The following PTPRT variants were observed in gnomAD, a reference collection of about 807,000 sequenced individuals.
PTPRT encodes protein tyrosine phosphatase receptor type T.
PTPRT carries 56 observed loss-of-function variants against 176.8 expected under a neutral mutation model. That is an observed-to-expected ratio of 0.32 (90% CI 0.26 to 0.40). PTPRT has a LOEUF of 0.40. PTPRT is among the 10% of genes least tolerant of loss of function. PTPRT has a pLI of 1.00. For synonymous variants in PTPRT, 783 were observed against 739.0 expected (o/e 1.06, Z -0.96); for missense variants, 1,540 against 1,908.2 (o/e 0.81, Z 3.60).
chr20:42,888,090 T>C (rs969153968), intron 1 of PTPRT, among the ~76,000 whole-genome samples: 1 of 152,166 alleles, frequency 6.6e-6, no homozygotes. Context: ...TTCTATTTTT[T>C]AAATAACCCA....
intron 7 of PTPRT, among the ~76,000 whole-genome samples, chr20:42,639,043 C>T (rs1411958209): frequency 6.6e-6 from 1 of 151,968 alleles, no homozygotes; most frequent in African/African-American, 2.4e-5. Flanking sequence ...AAGAACCTTC[C>T]CATTTGTTTC....
chr20:42,479,157 A>G (rs559621111), intron 7 of PTPRT, among the ~76,000 whole-genome samples: 13 of 152,368 alleles, frequency 8.5e-5, no homozygotes, highest in African/African-American at 3.1e-4. Flanking sequence ...AAGGCAGAAC[A>G]TCTTATTAAA....
chr20:42,637,699 C>T (rs567721698), intron 7 of PTPRT, among the ~76,000 whole-genome samples: 11 of 152,170 alleles, frequency 7.2e-5, no homozygotes, highest in African/African-American at 2.7e-4. Flanking sequence ...AGAACAGGGA[C>T]TTGGTTTGAT....
At chr20:43,071,055 A>G (rs1190691060) in intron 1 of PTPRT, among the ~76,000 whole-genome samples, 1 of 151,704 alleles carries the variant, frequency 6.6e-6, no homozygotes, top group African/African-American at 2.4e-5. Flanking sequence ...ACTGACCAAC[A>G]CAAGGGTATG....
At chr20:42,434,142 C>T (rs2059240250) in intron 9 of PTPRT, among the ~76,000 whole-genome samples, 1 of 152,036 alleles carries the variant, frequency 6.6e-6, no homozygotes, top group Non-Finnish European at 1.5e-5. Context: ...GAAAATAAAC[C>T]CACATGAAGA....
chr20:43,077,259 T>A (rs1187568149), intron 1 of PTPRT, among the ~76,000 whole-genome samples: 3 of 152,178 alleles, frequency 2.0e-5, no homozygotes, highest in Admixed American at 2.0e-4. Context: ...ATGTGCATTA[T>A]CTCAATCTTC....
intron 1 of PTPRT, among the ~76,000 whole-genome samples, chr20:43,069,704 G>A (rs1028608429): frequency 3.3e-5 from 5 of 152,236 alleles, no homozygotes; most frequent in East Asian, 1.9e-4. Context: ...GGACTGAGTC[G>A]GCTTTTTTAT....
At chr20:42,126,024 G>T (rs943321740) in intron 19 of PTPRT, among the ~76,000 whole-genome samples, 8 of 149,142 alleles carry the variant, frequency 5.4e-5, no homozygotes, top group Non-Finnish European at 3.0e-5. Flanking sequence ...GTGTCTGGGA[G>T]TGGGGGGGGG....
At chr20:42,902,095 G>A (rs2079412696) in intron 1 of PTPRT, among the ~76,000 whole-genome samples, 1 of 152,182 alleles carries the variant, frequency 6.6e-6, no homozygotes, top group Non-Finnish European at 1.5e-5. Flanking sequence ...AGGAAACCAG[G>A]AGATGGATGA....
At chr20:42,509,898 G>C (rs2071923526) in intron 7 of PTPRT, among the ~76,000 whole-genome samples, 1 of 152,034 alleles carries the variant, frequency 6.6e-6, no homozygotes, top group Admixed American at 6.6e-5. Context: ...CACCCACAGG[G>C]ACCTCTGATC....
intron 2 of PTPRT, among the ~76,000 whole-genome samples, chr20:42,828,510 A>T (rs1163337256): frequency 6.6e-6 from 1 of 152,168 alleles, no homozygotes; most frequent in African/African-American, 2.4e-5. Flanking sequence ...CAAGGGGGAA[A>T]ATGTCTCCAG....
chr20:42,883,664 C>A (rs1036006165), intron 2 of PTPRT, among the ~76,000 whole-genome samples: 1 of 130,694 alleles, frequency 7.7e-6, no homozygotes, highest in African/African-American at 2.8e-5. Flanking sequence ...TATACACACA[C>A]CCATACAAAC....
intron 1 of PTPRT, among the ~76,000 whole-genome samples, chr20:42,893,918 G>C (rs184888232): frequency 1.7e-3 from 265 of 151,864 alleles, no homozygotes; most frequent in African/African-American, 6.2e-3. Flanking sequence ...GCTAAATGAC[G>C]AGTTAATGGG....
chr20:42,653,105 G>T (rs1231190111), intron 7 of PTPRT, among the ~76,000 whole-genome samples: 2 of 152,166 alleles, frequency 1.3e-5, no homozygotes, highest in African/African-American at 2.4e-5. Context: ...GGGACCCAGT[G>T]GGAGGTTATT....
chr20:42,251,494 A>G (rs2056550456), intron 13 of PTPRT, among the ~76,000 whole-genome samples: 1 of 152,124 alleles, frequency 6.6e-6, no homozygotes, highest in Non-Finnish European at 1.5e-5. Flanking sequence ...CAGTAATAGC[A>G]AACTTGAACC....
intron 3 of PTPRT, among the ~76,000 whole-genome samples, chr20:42,783,740 C>G (rs752918324): frequency 2.0e-5 from 3 of 152,124 alleles, no homozygotes; most frequent in Non-Finnish European, 4.4e-5. Flanking sequence ...AGCACACTCT[C>G]AAGAAAATTC....
rs755171131 is a variant in PTPRT at position 42,248,820 on chromosome 20, C to T, written c.2179G>A (p.Ala727Thr). 27 of 1,613,580 alleles carry T rather than the reference C, an allele frequency of 1.7e-5. No homozygotes were observed. Among genetic ancestry groups the T allele is most frequent in the Non-Finnish European group, 2.3e-5 (27 of 1,179,694 alleles). Residue 727 changes from alanine to threonine, a missense_variant and splice_region_variant, in exon 14 of 31, where the codon GCC (alanine) becomes ACC (threonine). This residue lies in a region of PTPRT where 255 missense variants were observed against 250.1 expected (regional missense o/e 1.02). Transcript: ENST00000373187. ...ACAGTGTTAGAATTCTGGGTGGAGG[C>T]ACCTAGGAAGGGAAAGGGAAGGATA... is the stretch of plus-strand genomic sequence containing the variant. ...INCVRLATKGASTQNSNTVEP... is the reference protein window; with the variant it reads ...INCVRLATKGTSTQNSNTVEP...
At chr20:42,165,622 G>T (rs548082856) in intron 16 of PTPRT, among the ~76,000 whole-genome samples, 2 of 152,238 alleles carry the variant, frequency 1.3e-5, no homozygotes, top group Non-Finnish European at 2.9e-5. Context: ...TCTGCAATTT[G>T]GTGGCCACTA....
At chr20:42,778,961 T>A (rs150577522) in intron 4 of PTPRT, among the ~76,000 whole-genome samples, 5 of 152,256 alleles carry the variant, frequency 3.3e-5, no homozygotes, top group African/African-American at 7.2e-5. Flanking sequence ...CAGTAGCATC[T>A]CAGCATTCCC....
Sources: allele counts gnomAD v4.1 joint callset (sites outside exome capture counted in the v4.1 genomes callset), GRCh38; gene constraint gnomAD v4.1.1; regional missense constraint gnomAD v4.1.1; transcripts MANE v1.5; gene names NCBI Gene and HGNC (gene_info 2026-07-23, HGNC 2026-07-21).